DPP6: variants seen among roughly 807,000 people sequenced by gnomAD.
DPP6 encodes the protein A-type potassium channel modulatory protein DPP6.
Under a neutral mutation model 122.6 loss-of-function variants are expected in DPP6, and 69 were observed. That is an observed-to-expected ratio of 0.56 (90% confidence interval 0.46 to 0.69). The LOEUF (loss-of-function observed/expected upper bound fraction) is 0.69, where lower values mean the gene tolerates loss of function less well. Among genes scored for constraint, DPP6 ranks in the 30% least tolerant of loss-of-function variants. DPP6 has a pLI of 0.00. For synonymous variants in DPP6, 418 were observed against 433.1 expected (o/e 0.97, Z 0.43); for missense variants, 928 against 1,116.9 (o/e 0.83, Z 2.41).
intron 1 of DPP6, among the ~76,000 whole-genome samples, chr7:154,343,144 G>A (rs983236217): frequency 6.6e-6 from 1 of 152,206 alleles, no homozygotes; most frequent in East Asian, 1.9e-4. Context: ...AAGAGGAAGG[G>A]AACTGCTGCT....
At chr7:154,296,607 G>T (rs148917900) in intron 1 of DPP6, among the ~76,000 whole-genome samples, 141 of 152,316 alleles carry the variant, frequency 9.3e-4, no homozygotes, top group South Asian at 3.7e-3. Context: ...TGTCATGAAG[G>T]TTTATGACGA....
intron 1 of DPP6, among the ~76,000 whole-genome samples, chr7:154,168,278 G>A (rs774560140): frequency 2.0e-5 from 3 of 152,136 alleles, no homozygotes; most frequent in Non-Finnish European, 2.9e-5. Flanking sequence ...AAAGATGCAC[G>A]GGATCAATAA....
At chr7:154,016,018 G>A (rs916943565) in intron 1 of DPP6, among the ~76,000 whole-genome samples, 9 of 152,062 alleles carry the variant, frequency 5.9e-5, no homozygotes, top group Non-Finnish European at 1.0e-4. Context: ...TGGCCATATC[G>A]GCCCACGTTC....
intron 3 of DPP6, among the ~76,000 whole-genome samples, chr7:154,476,635 A>G (rs1490440986): frequency 1.3e-5 from 2 of 152,234 alleles, no homozygotes; most frequent in East Asian, 3.9e-4. Context: ...TCAGTCTTAA[A>G]GCGATGGCTA....
chr7:154,232,645 C>G (rs1391011246), intron 1 of DPP6, among the ~76,000 whole-genome samples: 2 of 152,220 alleles, frequency 1.3e-5, no homozygotes, highest in African/African-American at 4.8e-5. Context: ...CCCTTTGCAG[C>G]AGGTCTCCAT....
intron 7 of DPP6, among the ~76,000 whole-genome samples, chr7:154,670,219 C>T (rs1054158661): frequency 6.6e-6 from 1 of 152,284 alleles, no homozygotes; most frequent in African/African-American, 2.4e-5. Context: ...AGGCCAGTCC[C>T]GTCAACATGC....
chr7:154,577,319 C>T (rs910593469), intron 5 of DPP6, among the ~76,000 whole-genome samples: 3 of 152,122 alleles, frequency 2.0e-5, no homozygotes, highest in Admixed American at 1.3e-4. Context: ...GAAGCCGAGA[C>T]CCCTGAGAGC....
At chr7:153,776,917 T>C in the DPP6 span, among the ~76,000 whole-genome samples, 1 of 152,246 alleles carries the variant, frequency 6.6e-6, no homozygotes, top group African/African-American at 2.4e-5. Context: ...GACTTTGTTA[T>C]AATTTTAAAA....
intron 8 of DPP6, among the ~76,000 whole-genome samples, chr7:154,740,956 A>G (rs1013068374): frequency 2.6e-5 from 4 of 152,146 alleles, no homozygotes; most frequent in African/African-American, 9.7e-5. Context: ...CATTATTGGC[A>G]TAACTTTTCT....
intron 10 of DPP6, among the ~76,000 whole-genome samples, chr7:154,784,685 GGCAGGGGT>G: frequency 6.6e-6 from 1 of 152,226 alleles, no homozygotes; most frequent in Admixed American, 6.5e-5. Context: ...GTCACAATCA[GGCAGGGGT>G]GACTCTGGAG....
At chr7:154,188,680 G>C (rs1345846965) in intron 1 of DPP6, among the ~76,000 whole-genome samples, 1 of 152,100 alleles carries the variant, frequency 6.6e-6, no homozygotes, top group African/African-American at 2.4e-5. Flanking sequence ...GAAACACAAA[G>C]GTATCTAATA....
chr7:154,868,296 G>A (rs1451694551), intron 18 of DPP6, among the ~76,000 whole-genome samples: 1 of 152,150 alleles, frequency 6.6e-6, no homozygotes, highest in Non-Finnish European at 1.5e-5. Flanking sequence ...AAAAAAAGCA[G>A]GGCACAGGAT....
intron 6 of DPP6, among the ~76,000 whole-genome samples, chr7:154,658,734 G>A (rs1323707639): frequency 1.3e-5 from 2 of 152,198 alleles, no homozygotes; most frequent in Non-Finnish European, 2.9e-5. Flanking sequence ...GGGGCAGTAG[G>A]TACAAGAGAG....
intron 16 of DPP6, among the ~76,000 whole-genome samples, chr7:154,834,415 G>T (rs950508896): frequency 2.0e-5 from 3 of 152,118 alleles, no homozygotes; most frequent in African/African-American, 7.2e-5. Context: ...GGCGGAGGTT[G>T]CAGTGAGCTG....
intron 8 of DPP6, among the ~76,000 whole-genome samples, chr7:154,765,384 A>C (rs2030789): frequency 0.59 from 89,170 of 151,974 alleles, 26,380 homozygotes; most frequent in Non-Finnish European, 0.62. Flanking sequence ...CTGCAAACCT[A>C]CCTAAACCTC....
intron 8 of DPP6, among the ~76,000 whole-genome samples, chr7:154,764,101 C>G (rs914072955): frequency 1.3e-5 from 2 of 152,178 alleles, no homozygotes; most frequent in African/African-American, 2.4e-5. Context: ...AGCAGAGTCT[C>G]TCTTCCTTGT....
At chr7:153,834,978 G>C in the DPP6 span, among the ~76,000 whole-genome samples, 3 of 152,192 alleles carry the variant, frequency 2.0e-5, no homozygotes, top group Non-Finnish European at 4.4e-5. Flanking sequence ...GTAGTATTAA[G>C]AGAGAAGTAA....
chr7:154,175,390 G>A (rs1797747766), intron 1 of DPP6, among the ~76,000 whole-genome samples: 1 of 152,124 alleles, frequency 6.6e-6, no homozygotes, highest in East Asian at 1.9e-4. Flanking sequence ...GCAACTGGTG[G>A]CTTAAGGGAG....
At chr7:154,872,001 G>T (rs539057419) in intron 18 of DPP6, among the ~76,000 whole-genome samples, 1 of 152,242 alleles carries the variant, frequency 6.6e-6, no homozygotes, top group South Asian at 2.1e-4. Flanking sequence ...CAGTGACCTT[G>T]GTAGCCACGG....
Sources: allele counts gnomAD v4.1 joint callset (sites outside exome capture counted in the v4.1 genomes callset), GRCh38; gene constraint gnomAD v4.1.1; transcripts MANE v1.5; gene names NCBI Gene and HGNC (gene_info 2026-07-23, HGNC 2026-07-21).